The following CADM2 variants were observed in gnomAD, a reference collection of about 807,000 sequenced individuals.
CADM2 encodes cell adhesion molecule 2, also known as immunoglobulin superfamily member 4D.
A neutral mutation model predicts 49.8 loss-of-function variants in CADM2; 12 were observed. The observed-to-expected ratio is 0.24, with a 90% confidence interval of 0.15 to 0.39. CADM2 has a LOEUF of 0.39. CADM2 is among the 10% of genes least tolerant of loss of function. CADM2 has a pLI of 1.00. For missense variants in CADM2, 378 were observed against 492.3 expected (o/e 0.77, Z 2.20); for synonymous variants, 214 against 175.4 (o/e 1.22, Z -1.74).
intron 1 of CADM2, 170 bp from the exon 2 acceptor site, chr3:85,726,352 C>A: frequency 1.5e-6 from 1 of 687,684 alleles, no homozygotes; most frequent in Admixed American, 2.3e-5. Flanking sequence ...TTACTCATAA[C>A]ACTAACTAAA....
chr3:86,057,478 A>C (rs540537917), intron 8 of CADM2, among the ~76,000 whole-genome samples: 32 of 152,328 alleles, frequency 2.1e-4, no homozygotes, highest in African/African-American at 7.2e-4. Flanking sequence ...GCAAATTGGC[A>C]TATAAAAAAC....
chr3:85,530,321 CGTTTTTTTTTT>C lies in CADM2; in HGVS notation c.62-196200_62-196190del, dbSNP rs2061271859. Among the ~76,000 whole-genome samples the C allele has an allele frequency of 1.0e-4, 12 of 119,056 alleles. 1 individual carries two copies. The highest frequency in any genetic ancestry group is 1.7e-4 in the Admixed American group (2 of 11,534). 78.1% of individuals were successfully genotyped at this position (119,056 alleles called of 152,430 possible). A position where few individuals can be genotyped will look rare whatever the true frequency, so the allele number is the denominator to read the frequency against. On this transcript the variant is annotated intron_variant, in intron 1 of 9. Coordinates refer to ENST00000383699, the MANE Select transcript of CADM2 (RefSeq NM_001167675.2). Reference sequence around the variant, plus strand: ...GTGAGTCAGTTAGACTTCTTTTCTCCGTTTTTTTTTTTTTTTTTTTTTTTTTTGAGACGGAG... The same window carrying C: ...GTGAGTCAGTTAGACTTCTTTTCTCCTTTTTTTTTTTTTTTTGAGACGGAG...
At chr3:85,564,305 A>G (rs1240982473) in intron 1 of CADM2, among the ~76,000 whole-genome samples, 2 of 152,118 alleles carry the variant, frequency 1.3e-5, no homozygotes, top group African/African-American at 4.8e-5. Flanking sequence ...TTGTTATACA[A>G]TGCATCATCT....
chr3:85,688,387 A>G (rs1009529183), intron 1 of CADM2, among the ~76,000 whole-genome samples: 3 of 152,090 alleles, frequency 2.0e-5, no homozygotes, highest in African/African-American at 7.2e-5. Context: ...GGGAAATGCA[A>G]ATTAAAACCA....
intron 1 of CADM2, among the ~76,000 whole-genome samples, chr3:85,709,503 T>G (rs1427052946): frequency 6.6e-6 from 1 of 152,154 alleles, no homozygotes; most frequent in Non-Finnish European, 1.5e-5. Flanking sequence ...TTCTGACAAG[T>G]GCTGAACCTA....
chr3:85,523,570 T>C (rs746826065), intron 1 of CADM2, among the ~76,000 whole-genome samples: 17 of 152,058 alleles, frequency 1.1e-4, no homozygotes, highest in Non-Finnish European at 1.6e-4. Flanking sequence ...ATGTATCTAA[T>C]TGTTTGATAT....
intron 1 of CADM2, among the ~76,000 whole-genome samples, chr3:85,577,590 G>A (rs925442030): frequency 1.3e-5 from 2 of 152,094 alleles, no homozygotes; most frequent in Middle Eastern, 3.4e-3. Context: ...CACAAAACAG[G>A]CCAAGACAAA....
At chr3:85,042,040 C>T (rs1219022214) in intron 1 of CADM2, among the ~76,000 whole-genome samples, 1 of 152,146 alleles carries the variant, frequency 6.6e-6, no homozygotes, top group South Asian at 2.1e-4. Flanking sequence ...TATTGGTGTA[C>T]ATTCCTTCAG....
At chr3:85,237,527 C>T (rs1321934519) in intron 1 of CADM2, among the ~76,000 whole-genome samples, 1 of 150,876 alleles carries the variant, frequency 6.6e-6, no homozygotes, top group African/African-American at 2.4e-5. Context: ...AATTATATAA[C>T]TAACATATTA....
chr3:85,235,194 T>C (rs2042383630), intron 1 of CADM2, among the ~76,000 whole-genome samples: 1 of 152,138 alleles, frequency 6.6e-6, no homozygotes, highest in Non-Finnish European at 1.5e-5. Flanking sequence ...ATATTTCATG[T>C]AGATGGTTTT....
intron 1 of CADM2, among the ~76,000 whole-genome samples, chr3:85,296,238 A>G (rs990682437): frequency 6.6e-5 from 10 of 152,100 alleles, no homozygotes; most frequent in African/African-American, 2.4e-4. Context: ...GTTTGAGTTC[A>G]TGAGGTATAA....
intron 1 of CADM2, among the ~76,000 whole-genome samples, chr3:85,615,739 C>G (rs1370196893): frequency 6.6e-6 from 1 of 151,548 alleles, no homozygotes; most frequent in Non-Finnish European, 1.5e-5. Context: ...ATTACCAATT[C>G]ACATGATGCT....
chr3:86,052,882 T>C (rs148208404), intron 8 of CADM2, among the ~76,000 whole-genome samples: 50 of 152,254 alleles, frequency 3.3e-4, no homozygotes, highest in African/African-American at 1.2e-3. Flanking sequence ...AAAACTAAAG[T>C]GTATTTTATA....
At chr3:85,895,003 C>T (rs572647340) in intron 5 of CADM2, among the ~76,000 whole-genome samples, 100 of 152,318 alleles carry the variant, frequency 6.6e-4, no homozygotes, top group African/African-American at 2.4e-3. Context: ...GGGGTCATAA[C>T]CCCCACAGAG....
intron 3 of CADM2, among the ~76,000 whole-genome samples, chr3:85,824,376 T>C (rs976702704): frequency 6.2e-4 from 94 of 152,088 alleles, no homozygotes; most frequent in African/African-American, 2.2e-3. Flanking sequence ...AGTGTAAACT[T>C]GTGTGGGAAA....
At chr3:85,617,237 A>T (rs2107473545) in intron 1 of CADM2, among the ~76,000 whole-genome samples, 1 of 152,272 alleles carries the variant, frequency 6.6e-6, no homozygotes. Flanking sequence ...ATTTCTGACC[A>T]ACTGGCCTCA....
At chr3:86,007,808 A>C (rs1210625123) in intron 8 of CADM2, among the ~76,000 whole-genome samples, 1 of 152,152 alleles carries the variant, frequency 6.6e-6, no homozygotes, top group African/African-American at 2.4e-5. Flanking sequence ...TGTCCTGTTC[A>C]GTAAGTGTGG....
intron 2 of CADM2, chr3:85,800,421 C>G (rs1413471644): frequency 6.5e-6 from 1 of 154,328 alleles, no homozygotes; most frequent in Non-Finnish European, 1.4e-5. Context: ...GTTCCAGGCA[C>G]TACTGGGATA....
At chr3:86,004,628 G>T (rs536109390) in intron 8 of CADM2, among the ~76,000 whole-genome samples, 1 of 152,256 alleles carries the variant, frequency 6.6e-6, no homozygotes, top group South Asian at 2.1e-4. Flanking sequence ...GTTGGATCTA[G>T]TCCAATGCTT....
Sources: gnomAD v4.1 joint callset for allele counts (sites outside exome capture counted in the v4.1 genomes callset) on GRCh38, gnomAD v4.1.1 for gene constraint, MANE v1.5 for transcripts, NCBI Gene and HGNC (gene_info 2026-07-23, HGNC 2026-07-21) for gene names.